ODAD2: variants seen among roughly 807,000 people sequenced by gnomAD.
The protein encoded by ODAD2 is outer dynein arm docking complex subunit 2.
A neutral mutation model predicts 106.8 loss-of-function variants in ODAD2; 89 were observed. The observed-to-expected ratio is 0.83, with a 90% CI of 0.70 to 0.99. ODAD2 has a LOEUF of 0.99. Ranked by LOEUF, ODAD2 falls within the 50% of genes least tolerant of loss-of-function variation. The probability of loss-of-function intolerance (pLI) is 0.00; values close to 1 mark genes in which losing one functional copy is unlikely to be tolerated. For synonymous variants in ODAD2, 404 were observed against 436.2 expected, an observed-to-expected ratio of 0.93 and a Z score of 0.92; for missense variants, 1,168 against 1,238.5, an observed-to-expected ratio of 0.94 and a Z score of 0.85.
rs564425688 is a variant in ODAD2 at position 27,848,770 on chromosome 10, A to T, written c.3021+11855T>A. Reference sequence around the variant, plus strand: ...ATGAACAGACACTTCTCAAAAGAAGACATTTATGAAGCCAATAGACACACG... The same window carrying T: ...ATGAACAGACACTTCTCAAAAGAAGTCATTTATGAAGCCAATAGACACACG... On this transcript the variant is annotated intron_variant, in intron 19 of 19. Coordinates refer to ENST00000305242, the MANE Select transcript of ODAD2 (RefSeq NM_018076.5). Among the ~76,000 whole-genome samples the T allele has an allele frequency of 1.8e-3, 271 of 152,372 alleles. 1 individual carries two copies. The highest frequency in any genetic ancestry group is 6.2e-3 in the African/African-American group (257 of 41,598).
intron 10 of ODAD2, among the ~76,000 whole-genome samples, chr10:27,960,629 T>A (rs1848071216): frequency 6.6e-6 from 1 of 151,922 alleles, no homozygotes; most frequent in South Asian, 2.1e-4. Flanking sequence ...GGATTATAGG[T>A]GTGAGCCACT....
intron 19 of ODAD2, among the ~76,000 whole-genome samples, chr10:27,848,407 A>G (rs1838964607): frequency 6.6e-6 from 1 of 152,226 alleles, no homozygotes; most frequent in African/African-American, 2.4e-5. Flanking sequence ...CTTACACCTT[A>G]TACAAAAATT....
intron 17 of ODAD2, among the ~76,000 whole-genome samples, chr10:27,864,378 G>A (rs566957728): frequency 6.8e-6 from 1 of 146,286 alleles, no homozygotes; most frequent in South Asian, 2.3e-4. Flanking sequence ...AACTATCTAG[G>A]ATGCAGATGA....
intron 19 of ODAD2, among the ~76,000 whole-genome samples, chr10:27,844,264 G>A (rs1838541414): frequency 6.6e-6 from 1 of 152,190 alleles, no homozygotes; most frequent in South Asian, 2.1e-4. Context: ...AAAGGAGGTT[G>A]GAAAATTGCT....
chr10:27,889,475 A>G (rs1842429163), intron 17 of ODAD2, among the ~76,000 whole-genome samples: 1 of 152,182 alleles, frequency 6.6e-6, no homozygotes. Context: ...AATTTTGCTC[A>G]GTAAGAAAGC....
intron 16 of ODAD2, among the ~76,000 whole-genome samples, chr10:27,915,690 A>G (rs1844318565): frequency 6.6e-6 from 1 of 152,158 alleles, no homozygotes; most frequent in Non-Finnish European, 1.5e-5. Flanking sequence ...AAGGAAAAGA[A>G]CTGTCAACCT....
intron 19 of ODAD2, among the ~76,000 whole-genome samples, chr10:27,828,844 C>G (rs1225464162): frequency 1.3e-5 from 2 of 152,094 alleles, no homozygotes; most frequent in East Asian, 3.8e-4. Flanking sequence ...AAAAGCCAAA[C>G]TGAGAATTCT....
chr10:27,877,833 C>CAA (rs1240607654), intron 17 of ODAD2, among the ~76,000 whole-genome samples: 1 of 152,242 alleles, frequency 6.6e-6, no homozygotes, highest in East Asian at 1.9e-4. Context: ...CTAAATTTTG[C>CAA]AATTTATAAA....
chr10:27,842,165 C>T (rs1838352851), intron 19 of ODAD2, among the ~76,000 whole-genome samples: 1 of 152,148 alleles, frequency 6.6e-6, no homozygotes, highest in East Asian at 1.9e-4. Flanking sequence ...GTTTCCTTTA[C>T]AGCATTCAGC....
intron 10 of ODAD2, among the ~76,000 whole-genome samples, chr10:27,947,569 C>A (rs889394716): frequency 6.6e-6 from 1 of 152,086 alleles, no homozygotes; most frequent in South Asian, 2.1e-4. Context: ...AAAAACAATT[C>A]ATTTGAATAA....
At chr10:27,828,261 C>T (rs138144984) in intron 19 of ODAD2, among the ~76,000 whole-genome samples, 602 of 152,254 alleles carry the variant, frequency 4.0e-3, no homozygotes, top group Non-Finnish European at 5.9e-3. Flanking sequence ...AATGCTACTT[C>T]CCTGATATGA....
chr10:27,857,452 C>T (rs745824003), intron 19 of ODAD2, among the ~76,000 whole-genome samples: 1 of 152,200 alleles, frequency 6.6e-6, no homozygotes, highest in Admixed American at 6.5e-5. Context: ...TGACCCCTAA[C>T]TCCTGCATTG....
intron 18 of ODAD2, among the ~76,000 whole-genome samples, 160 bp downstream of exon 18, chr10:27,862,274 G>A (rs1033989774): frequency 1.3e-5 from 2 of 152,130 alleles, no homozygotes; most frequent in African/African-American, 4.8e-5. Context: ...ACATATATTA[G>A]TCTCAGAGAA....
chr10:27,872,894 T>C (rs946426225), intron 17 of ODAD2, among the ~76,000 whole-genome samples: 2 of 152,194 alleles, frequency 1.3e-5, no homozygotes, highest in African/African-American at 4.8e-5. Flanking sequence ...GAGGATTCCC[T>C]CTTTTTCTAT....
rs144283287 is a variant in ODAD2 at position 27,958,623 on chromosome 10, C to T, written c.1386+2945G>A. ...AAGTAAAAGTTGAAGGCCACCTGCACGAGTCAGTTAAGTCTCCATGCCACA... is the reference window on the plus strand; with the variant it reads ...AAGTAAAAGTTGAAGGCCACCTGCATGAGTCAGTTAAGTCTCCATGCCACA... On this transcript the variant is annotated intron_variant, in intron 10 of 19. Coordinates refer to ENST00000305242, the MANE Select transcript of ODAD2 (RefSeq NM_018076.5). Among the ~76,000 whole-genome samples the T allele has an allele frequency of 2.2e-4, 34 of 152,248 alleles. No homozygotes were observed. The East Asian group carries it at 2.3e-3, about 10-fold the overall frequency.
chr10:27,916,629 T>C (rs1271931123), intron 16 of ODAD2, among the ~76,000 whole-genome samples: 1 of 152,190 alleles, frequency 6.6e-6, no homozygotes, highest in Non-Finnish European at 1.5e-5. Context: ...AAGATCTTTA[T>C]GAAGATTCAC....
intron 19 of ODAD2, among the ~76,000 whole-genome samples, chr10:27,821,882 C>T (rs1193730516): frequency 6.6e-6 from 1 of 152,132 alleles, no homozygotes; most frequent in Non-Finnish European, 1.5e-5. Flanking sequence ...TAATCCTCCG[C>T]CTCCCCTAAA....
intron 17 of ODAD2, among the ~76,000 whole-genome samples, chr10:27,886,838 G>T (rs1416143298): frequency 6.6e-6 from 1 of 151,920 alleles, no homozygotes; most frequent in Non-Finnish European, 1.5e-5. Context: ...AATGGTAGAT[G>T]TAAGCTCCAT....
chr10:27,852,512 A>G (rs1165574856), intron 19 of ODAD2, among the ~76,000 whole-genome samples: 2 of 152,242 alleles, frequency 1.3e-5, no homozygotes, highest in African/African-American at 4.8e-5. Flanking sequence ...TAAAGCAATC[A>G]CTAAATGACA....
Sources: allele counts gnomAD v4.1 joint callset (sites outside exome capture counted in the v4.1 genomes callset), GRCh38; gene constraint gnomAD v4.1.1; transcripts MANE v1.5; gene names NCBI Gene and HGNC (gene_info 2026-07-23, HGNC 2026-07-21).